Variants in DTYMK observed in about 807,000 individuals in gnomAD.
DTYMK encodes the protein deoxythymidylate kinase, also known as thymidylate kinase.
In DTYMK, 20 loss-of-function variants were observed where a neutral mutation model predicts 20.3. That is an observed-to-expected ratio of 0.99 (90% CI 0.69 to 1.43). The LOEUF (loss-of-function observed/expected upper bound fraction) is 1.43, where lower values mean the gene tolerates loss of function less well. DTYMK is among the 40% of genes most tolerant of loss of function. The pLI, the probability that DTYMK is intolerant of heterozygous loss-of-function variation, is 0.00. For synonymous variants in DTYMK, 148 were observed against 124.4 expected, an observed-to-expected ratio of 1.19 and a Z score of -1.27; for missense variants, 320 against 291.1, an observed-to-expected ratio of 1.10 and a Z score of -0.72.
At chr2:241,683,861 C>A (rs4675898) in intron 2 of DTYMK, among the ~76,000 whole-genome samples, 3,851 of 152,184 alleles carry the variant, frequency 0.025, 202 homozygotes, top group East Asian at 0.18. Flanking sequence ...AGTTCAAGAC[C>A]ACCCTGGCCA....
chr2:241,684,979 C>A (rs528291422), intron 2 of DTYMK: 2 of 254,172 alleles, frequency 7.9e-6, no homozygotes, highest in East Asian at 2.0e-4. Flanking sequence ...TCTATGAGGC[C>A]AGGGGTTTGA....
At chr2:241,678,744 G>A in intron 3 of DTYMK, 95 bp from the exon 4 acceptor site, 1 of 1,381,758 alleles carries the variant, frequency 7.2e-7, no homozygotes, top group Non-Finnish European at 1.0e-6. Flanking sequence ...GACATTTGGT[G>A]AGGTACCAAG....
chr2:241,678,420 C>T (rs759674434), intron 4 of DTYMK, 32 bp downstream of exon 4: 41 of 1,613,178 alleles, frequency 2.5e-5, no homozygotes, highest in Middle Eastern at 1.7e-4. Flanking sequence ...CACTTCTCCA[C>T]GCTTCCTAGT....
chr2:241,680,656 C>G (rs773561717), intron 2 of DTYMK, among the ~76,000 whole-genome samples: 4 of 152,052 alleles, frequency 2.6e-5, no homozygotes, highest in Middle Eastern at 3.2e-3. Flanking sequence ...CTGGGTGACA[C>G]AGCGAGACTC....
chr2:241,680,230 TC>T lies in DTYMK; in HGVS notation c.328del (p.Glu110ArgfsTer5). 2 of 1,614,094 alleles carry T rather than the reference TC, an allele frequency of 1.2e-6. No homozygotes were observed. Among genetic ancestry groups the T allele is most frequent in the Non-Finnish European group, 1.7e-6 (2 of 1,179,974 alleles). ...GACAGGAGGCCAAGTGGCACTCACCTCCTTGGCACCGGTGAAGGCCACACCA... is the reference window on the plus strand; with the variant it reads ...GACAGGAGGCCAAGTGGCACTCACCTCTTGGCACCGGTGAAGGCCACACCA... ...FSGVAFTGAK[E>X]NFSLDWCKQP... On this transcript the variant is annotated frameshift_variant and splice_region_variant, in exon 3 of 5. Transcript: ENST00000305784. LOFTEE classifies it high-confidence loss of function.
rs576455932 is a variant in DTYMK, at chr2:241,681,716, CTT to C, written c.240-1399_240-1398del. On this transcript the variant is annotated intron_variant, in intron 2 of 4. Coordinates refer to ENST00000305784, the MANE Select transcript of DTYMK (RefSeq NM_012145.4). ...AAGATGGACTTCACGAAAATAATAACTTTGTGCTTTGTGAGAGACACTGTCAA... is the reference window on the plus strand; with the variant it reads ...AAGATGGACTTCACGAAAATAATAACTGTGCTTTGTGAGAGACACTGTCAA... Among the ~76,000 whole-genome samples the C allele has an allele frequency of 1.1e-3, 167 of 152,340 alleles. 1 individual carries two copies. Among genetic ancestry groups the C allele is most frequent in the African/African-American group, 3.7e-3 (155 of 41,588 alleles).
chr2:241,685,332 C>G (rs1167142491), intron 2 of DTYMK: 1 of 153,804 alleles, frequency 6.5e-6, no homozygotes, highest in Non-Finnish European at 1.4e-5. Flanking sequence ...CCTGTCTCTA[C>G]TAAAAATACA....
intron 2 of DTYMK, chr2:241,684,696 A>G (rs2069338179): frequency 2.2e-6 from 1 of 461,218 alleles, no homozygotes; most frequent in Non-Finnish European, 4.5e-6. Flanking sequence ...AATGTAAATA[A>G]AAACATTGAA....
intron 2 of DTYMK, 30 bp from the exon 3 acceptor site, chr2:241,680,349 T>G (rs868515470): frequency 1.1e-5 from 18 of 1,612,284 alleles, no homozygotes; most frequent in Middle Eastern, 1.6e-4. Flanking sequence ...TGAGCCCTGG[T>G]CCTGTTTCAT....
intron 3 of DTYMK, among the ~76,000 whole-genome samples, chr2:241,679,658 A>G (rs964862199): frequency 1.3e-5 from 2 of 151,728 alleles, no homozygotes; most frequent in African/African-American, 2.4e-5. Context: ...AAGTACTACA[A>G]ATGAACCATC....
chr2:241,678,574 G>A lies in DTYMK; in HGVS notation c.406C>T (p.Gln136Ter), dbSNP rs1279809643. Residue 136 changes from glutamine (Q) to a stop codon, truncating the protein, a stop_gained, in exon 4 of 5, where the codon CAG (glutamine) becomes TAG (stop). Transcript: ENST00000305784. LOFTEE classifies it high-confidence loss of function. ...KPDLVLFLQL[Q>*]LADAAKRGAF... ...CCCCGCTTGGCAGCATCCGCCAGCT[G>A]TAACTGGAGGAACAGGACCAGGTCG... The A allele has an allele frequency of 2.5e-6, 4 of 1,614,218 alleles. No individual in the cohort carries two copies. Among genetic ancestry groups the A allele is most frequent in the South Asian group, 1.1e-5 (1 of 91,090 alleles).
intron 4 of DTYMK, among the ~76,000 whole-genome samples, chr2:241,676,580 C>A (rs538591285): frequency 1.3e-5 from 2 of 152,384 alleles, no homozygotes; most frequent in African/African-American, 4.8e-5. Context: ...ATACCCCACA[C>A]CTTTCTCTGA....
chr2:241,676,238 CTG>C lies in DTYMK; in HGVS notation c.529-3_529-2del. On this transcript the variant is annotated splice_acceptor_variant and splice_polypyrimidine_tract_variant and intron_variant, in intron 4 of 4. Transcript: ENST00000305784. LOFTEE classifies it high-confidence loss of function. Reference sequence around the variant, plus strand: ...CGATGCTTTTGGAAGCATCCACCATCTGTTCCCACCGGGGTTTCAGGAGAAAA... The same window carrying C: ...CGATGCTTTTGGAAGCATCCACCATCTTCCCACCGGGGTTTCAGGAGAAAA... 1.2e-6 allele frequency: 2 copies of C among 1,609,718 alleles called. No individual in the cohort carries two copies. Among genetic ancestry groups the C allele is most frequent in the African/African-American group, 1.3e-5 (1 of 74,948 alleles).
At chr2:241,682,351 AG>A in intron 2 of DTYMK, 4 of 383,952 alleles carry the variant, frequency 1.0e-5, no homozygotes, top group South Asian at 7.4e-5. Flanking sequence ...AAGAAAAGAG[AG>A]AAAGAGAGTG....
intron 2 of DTYMK, chr2:241,682,273 C>T (rs1263718590): frequency 6.6e-6 from 3 of 451,648 alleles, no homozygotes; most frequent in Admixed American, 2.4e-5. Context: ...CCCGGGAGGT[C>T]GAGGCTGCAG....
At chr2:241,676,270 G>A (rs772922348) in intron 4 of DTYMK, 33 bp from the exon 5 acceptor site, 3 of 1,587,124 alleles carry the variant, frequency 1.9e-6, no homozygotes, top group Admixed American at 1.7e-5. Context: ...AGAAAAAGAG[G>A]CTCATCAGCA....
chr2:241,684,695 A>T (rs1181321159), intron 2 of DTYMK: 1 of 460,998 alleles, frequency 2.2e-6, no homozygotes, highest in Non-Finnish European at 4.5e-6. Context: ...AAATGTAAAT[A>T]AAAACATTGA....
Position 241,686,577 on chromosome 2 carries a change from A to T in DTYMK, c.130+77T>A, listed in dbSNP as rs2069414038. ...AGTTCACAGCACGCCAGCCGCAGAC[A>T]ACGAAGCGGAGCAAAGAGCCCCTGG... On this transcript the variant is annotated intron_variant, in intron 1 of 4. Transcript: ENST00000305784. 4 of 1,405,228 alleles carry T rather than the reference A, an allele frequency of 2.8e-6. No homozygotes were observed. In the South Asian group the frequency reaches 6.2e-5, roughly 22 times the overall value. The allele number at this position is 1,405,228 out of a possible 1,614,324, so 87.0% of individuals were successfully genotyped here. A position where few individuals can be genotyped will look rare whatever the true frequency, so the allele number is the denominator to read the frequency against.
intron 2 of DTYMK, among the ~76,000 whole-genome samples, chr2:241,681,448 A>G (rs1173139340): frequency 1.3e-5 from 2 of 152,190 alleles, no homozygotes; most frequent in East Asian, 1.9e-4. Context: ...CCAGCTTTCA[A>G]GGAGGCAGAG....
Sources: allele counts gnomAD v4.1 joint callset (sites outside exome capture counted in the v4.1 genomes callset), GRCh38; gene constraint gnomAD v4.1.1; transcripts MANE v1.5; gene names NCBI Gene and HGNC (gene_info 2026-07-23, HGNC 2026-07-21).